SORCS3: variants seen among roughly 807,000 people sequenced by gnomAD.
SORCS3 encodes the protein VPS10 domain-containing receptor SorCS3.
SORCS3 carries 57 observed loss-of-function variants against 146.3 expected under a neutral mutation model. The observed-to-expected ratio is 0.39, with a 90% confidence interval of 0.31 to 0.49. The LOEUF is 0.49. Among genes scored for constraint, SORCS3 ranks in the 20% least tolerant of loss-of-function variants. The probability of loss-of-function intolerance (pLI) is 0.92; values close to 1 mark genes in which losing one functional copy is unlikely to be tolerated. For synonymous variants in SORCS3, 653 were observed against 618.5 expected, an observed-to-expected ratio of 1.06 and a Z score of -0.83; for missense variants, 1,341 against 1,575.5, an observed-to-expected ratio of 0.85 and a Z score of 2.52.
chr10:105,231,501 TTTTG>T (rs1354611410), intron 20 of SORCS3, among the ~76,000 whole-genome samples: 2 of 152,174 alleles, frequency 1.3e-5, no homozygotes, highest in Non-Finnish European at 2.9e-5. Context: ...CCAATATAAC[TTTTG>T]TTTATTTTCT....
At chr10:104,658,827 C>A (rs1211210545) in intron 1 of SORCS3, among the ~76,000 whole-genome samples, 1 of 151,876 alleles carries the variant, frequency 6.6e-6, no homozygotes, top group Non-Finnish European at 1.5e-5. Flanking sequence ...TATAAATAAG[C>A]ACTTTTTTTT....
chr10:104,940,941 G>A (rs2019314723), intron 3 of SORCS3, among the ~76,000 whole-genome samples: 1 of 152,100 alleles, frequency 6.6e-6, no homozygotes. Context: ...TCAGTCCTAA[G>A]CCAAAAGAAA....
chr10:104,879,763 T>C (rs2018613059), intron 2 of SORCS3, among the ~76,000 whole-genome samples: 1 of 152,224 alleles, frequency 6.6e-6, no homozygotes, highest in African/African-American at 2.4e-5. Flanking sequence ...GGTGCTGCCC[T>C]GAGCCAGGGC....
chr10:105,165,672 C>G (rs188513555), intron 12 of SORCS3, among the ~76,000 whole-genome samples: 1 of 151,994 alleles, frequency 6.6e-6, no homozygotes, highest in African/African-American at 2.4e-5. Flanking sequence ...TAACCTATTA[C>G]GAGAGCCAAA....
intron 5 of SORCS3, among the ~76,000 whole-genome samples, chr10:105,070,608 G>C (rs1337552154): frequency 6.6e-6 from 1 of 152,194 alleles, no homozygotes; most frequent in Admixed American, 6.5e-5. Context: ...ACATGGAAGA[G>C]AGGGAGTTCA....
At chr10:104,932,886 C>T (rs936260961) in intron 3 of SORCS3, among the ~76,000 whole-genome samples, 2 of 151,906 alleles carry the variant, frequency 1.3e-5, no homozygotes, top group African/African-American at 4.8e-5. Flanking sequence ...TTCTTTTGTT[C>T]TTTTCTTTCT....
chr10:105,124,344 AG>A (rs1461553206), intron 7 of SORCS3, among the ~76,000 whole-genome samples: 1 of 152,208 alleles, frequency 6.6e-6, no homozygotes, highest in East Asian at 1.9e-4. Flanking sequence ...GCTTACAGAC[AG>A]GGGGCTGCTG....
intron 1 of SORCS3, among the ~76,000 whole-genome samples, chr10:104,662,879 A>T (rs2015720507): frequency 1.3e-5 from 2 of 152,178 alleles, no homozygotes; most frequent in African/African-American, 4.8e-5. Flanking sequence ...ACTCTTAGTA[A>T]TTTTAAACAA....
intron 12 of SORCS3, among the ~76,000 whole-genome samples, chr10:105,166,401 C>T (rs145573145): frequency 3.3e-5 from 5 of 152,184 alleles, no homozygotes; most frequent in East Asian, 1.9e-4. Flanking sequence ...GATCTACAGT[C>T]GAGATTAGTT....
At chr10:105,238,594 G>A (rs1177274650) in intron 20 of SORCS3, among the ~76,000 whole-genome samples, 1 of 152,168 alleles carries the variant, frequency 6.6e-6, no homozygotes, top group African/African-American at 2.4e-5. Context: ...AGAAAACGCT[G>A]AAAGGTGAGG....
At chr10:104,705,549 TAAAC>T (rs550941856) in intron 1 of SORCS3, among the ~76,000 whole-genome samples, 4 of 152,238 alleles carry the variant, frequency 2.6e-5, no homozygotes, top group Non-Finnish European at 5.9e-5. Flanking sequence ...ATTACTTAAT[TAAAC>T]AATGTAATTA....
intron 1 of SORCS3, among the ~76,000 whole-genome samples, chr10:104,772,602 G>A (rs565951365): frequency 5.3e-5 from 8 of 152,062 alleles, no homozygotes; most frequent in Non-Finnish European, 8.8e-5. Context: ...TTATTCCCCC[G>A]CTTTCCCTTG....
At chr10:105,216,547 T>TA (rs951457519) in intron 18 of SORCS3, among the ~76,000 whole-genome samples, 6 of 151,860 alleles carry the variant, frequency 4.0e-5, no homozygotes, top group Non-Finnish European at 5.9e-5. Context: ...TTGGCACTAA[T>TA]AAAAAAAACC....
chr10:105,060,985 T>C (rs2055482545), intron 5 of SORCS3, among the ~76,000 whole-genome samples: 1 of 151,694 alleles, frequency 6.6e-6, no homozygotes. Context: ...AATTTAAGTA[T>C]AGAAAATAAA....
In SORCS3 at chr10:105,223,187, G is replaced by C. The variant is rs1208245285; in HGVS notation, c.2806G>C (p.Val936Leu). The C allele has an allele frequency of 6.2e-7, 1 of 1,613,490 alleles. No homozygotes were observed. Among genetic ancestry groups the C allele is most frequent in the Admixed American group, 1.7e-5 (1 of 60,002 alleles). ...IRNKEVNISA[V>L]VWPSQLGTLT... Reference sequence around the variant, plus strand: ...AAATAAGGAGGTCAACATCAGTGCAGTCGTGTGGCCCAGTCAACTGGGGAC... The same window carrying C: ...AAATAAGGAGGTCAACATCAGTGCACTCGTGTGGCCCAGTCAACTGGGGAC... The change falls in exon 20 of 27, where the codon GTC (valine) becomes CTC (leucine). Residue 936 changes from valine (V) to leucine (L), a missense_variant. Val to Leu is a conservative substitution (Grantham distance 32). Coordinates refer to ENST00000369701, the MANE Select transcript of SORCS3 (RefSeq NM_014978.3).
At chr10:104,690,195 A>G (rs1048533732) in intron 1 of SORCS3, among the ~76,000 whole-genome samples, 1 of 152,190 alleles carries the variant, frequency 6.6e-6, no homozygotes, top group Non-Finnish European at 1.5e-5. Context: ...CCTGCATGGC[A>G]GTACCTGCAA....
intron 3 of SORCS3, among the ~76,000 whole-genome samples, chr10:104,968,473 A>T (rs1198205380): frequency 6.6e-6 from 1 of 152,194 alleles, no homozygotes; most frequent in African/African-American, 2.4e-5. Context: ...GCCTAAAGAC[A>T]TCTGCATTGA....
At chr10:105,186,124 T>C (rs1366820123) in intron 14 of SORCS3, among the ~76,000 whole-genome samples, 1 of 152,218 alleles carries the variant, frequency 6.6e-6, no homozygotes, top group Non-Finnish European at 1.5e-5. Flanking sequence ...ATGGAAGAAG[T>C]TCTCTGAGTT....
chr10:104,758,013 A>C (rs774870073), intron 1 of SORCS3, among the ~76,000 whole-genome samples: 1 of 152,160 alleles, frequency 6.6e-6, no homozygotes, highest in East Asian at 1.9e-4. Context: ...TGGAACATAA[A>C]AACAGGAGAA....
Sources: allele counts gnomAD v4.1 joint callset (sites outside exome capture counted in the v4.1 genomes callset), GRCh38; gene constraint gnomAD v4.1.1; transcripts MANE v1.5; gene names NCBI Gene and HGNC (gene_info 2026-07-23, HGNC 2026-07-21).